The following MBOAT1 variants were observed in gnomAD, a reference collection of about 807,000 sequenced individuals.
The protein encoded by MBOAT1 is membrane bound glycerophospholipid O-acyltransferase 1.
Under a neutral mutation model 64.4 loss-of-function variants are expected in MBOAT1, and 67 were observed. The ratio of observed to expected loss-of-function variants is 1.04; its 90% CI spans 0.85 to 1.27. The LOEUF is 1.27. Among genes scored for constraint, MBOAT1 ranks in the 50% most tolerant of loss-of-function variants. The pLI, the probability that MBOAT1 is intolerant of heterozygous loss-of-function variation, is 0.00. For synonymous variants in MBOAT1, 229 were observed against 218.9 expected, an observed-to-expected ratio of 1.05 and a Z score of -0.41; for missense variants, 563 against 604.6, an observed-to-expected ratio of 0.93 and a Z score of 0.72.
chr6:20,143,045 T>A (rs1581419468), intron 4 of MBOAT1, among the ~76,000 whole-genome samples: 1 of 152,260 alleles, frequency 6.6e-6, no homozygotes, highest in Non-Finnish European at 1.5e-5. Context: ...GAGCGGTCAC[T>A]CCCTCATTTC....
At chr6:20,158,718 A>G (rs563050190) in intron 1 of MBOAT1, among the ~76,000 whole-genome samples, 1 of 152,348 alleles carries the variant, frequency 6.6e-6, no homozygotes, top group South Asian at 2.1e-4. Context: ...ACTGCTTAAT[A>G]ACAAGAAAAT....
chr6:20,105,810 G>A (rs1231420094), intron 12 of MBOAT1, among the ~76,000 whole-genome samples: 1 of 152,120 alleles, frequency 6.6e-6, no homozygotes, highest in Admixed American at 6.6e-5. Flanking sequence ...AAATTCTAAC[G>A]TTATTACCCA....
intron 1 of MBOAT1, among the ~76,000 whole-genome samples, chr6:20,171,616 T>C (rs890878062): frequency 6.6e-6 from 1 of 152,146 alleles, no homozygotes; most frequent in African/African-American, 2.4e-5. Context: ...AATGATTAAT[T>C]CAAACCCAAT....
At chr6:20,183,878 C>T (rs1015331854) in intron 1 of MBOAT1, among the ~76,000 whole-genome samples, 4 of 152,016 alleles carry the variant, frequency 2.6e-5, no homozygotes, top group Admixed American at 1.3e-4. Flanking sequence ...TGGCAGGAGG[C>T]GAAAGGCACT....
Position 20,124,508 on chromosome 6 carries a change from A to T in MBOAT1, c.807T>A (p.Asp269Glu), listed in dbSNP as rs774000416. The T allele has an allele frequency of 1.2e-6, 2 of 1,614,108 alleles. No individual in the cohort carries two copies. Among genetic ancestry groups the T allele is most frequent in the Admixed American group, 1.7e-5 (1 of 60,006 alleles). Residue 269 changes from aspartate (D) to glutamate (E), a missense_variant, in exon 8 of 13, where the codon GAT (aspartate) becomes GAA (glutamate). Coordinates refer to ENST00000324607, the MANE Select transcript of MBOAT1 (RefSeq NM_001080480.3). ...TKTFPVTCLV[D>E]DWFVHKASFP... ...AGCTTGCTTTATGGACAAACCAGTC[A>T]TCCACAAGGCAGGTGACAGGAAAGG...
At position 20,144,239 on chromosome 6, in the gene MBOAT1, G is replaced by C; in HGVS notation, c.400C>G (p.Leu134Val). 6.2e-7 allele frequency: 1 copy of C among 1,611,366 alleles called. No individual in the cohort carries two copies. Among genetic ancestry groups the C allele is most frequent in the East Asian group, 2.2e-5 (1 of 44,850 alleles). The change falls in exon 4 of 13, where the codon CTC becomes GTC. Residue 134 changes from leucine (L) to valine (V), a missense_variant. By Grantham distance (32) the Leu-to-Val change is conservative (BLOSUM62 1). Coordinates refer to ENST00000324607, the MANE Select transcript of MBOAT1 (RefSeq NM_001080480.3). Reference sequence around the variant, plus strand: ...ACTTACCCAGAAAAATCCGTAGTGAGAATTCCATAGTGGAAGATGTATATT... The same window carrying C: ...ACTTACCCAGAAAAATCCGTAGTGACAATTCCATAGTGGAAGATGTATATT... The part of the protein sequence containing the change: ...SRIYIFHYGI[L>V]TTDFSGPLMI...
At chr6:20,203,204 T>C (rs1183525134) in intron 1 of MBOAT1, among the ~76,000 whole-genome samples, 1 of 152,190 alleles carries the variant, frequency 6.6e-6, no homozygotes, top group East Asian at 1.9e-4. Context: ...TTGAGAGTAT[T>C]TGACTATATG....
At chr6:20,182,609 G>A (rs1052754304) in intron 1 of MBOAT1, among the ~76,000 whole-genome samples, 2 of 152,044 alleles carry the variant, frequency 1.3e-5, no homozygotes, top group Non-Finnish European at 2.9e-5. Flanking sequence ...CAATGCCTTG[G>A]GTCTGTTCTC....
At chr6:20,184,183 G>A (rs1762584559) in intron 1 of MBOAT1, among the ~76,000 whole-genome samples, 1 of 152,124 alleles carries the variant, frequency 6.6e-6, no homozygotes, top group Non-Finnish European at 1.5e-5. Flanking sequence ...AAAGCAAGAG[G>A]GGCAGGAAGA....
intron 1 of MBOAT1, among the ~76,000 whole-genome samples, chr6:20,166,235 T>C (rs1417000124): frequency 6.6e-6 from 1 of 152,222 alleles, no homozygotes; most frequent in South Asian, 2.1e-4. Context: ...AGTCAACTCA[T>C]ACTGAGCTAG....
chr6:20,118,413 T>C (rs752100902), intron 9 of MBOAT1, 24 bp downstream of exon 9: 22 of 1,564,858 alleles, frequency 1.4e-5, no homozygotes, highest in Non-Finnish European at 1.8e-5. Context: ...ACTATGGAAG[T>C]TGGACTTAAA....
At chr6:20,126,030 G>A (rs1343837827) in intron 7 of MBOAT1, 1 of 279,872 alleles carries the variant, frequency 3.6e-6, no homozygotes, top group East Asian at 1.1e-4. Flanking sequence ...ATTTCAAAAA[G>A]TCATCTTAAA....
At chr6:20,138,134 G>T (rs1390155821) in intron 4 of MBOAT1, among the ~76,000 whole-genome samples, 2 of 152,064 alleles carry the variant, frequency 1.3e-5, no homozygotes, top group African/African-American at 2.4e-5. Flanking sequence ...CCAGGAAGAG[G>T]GATTTATGGT....
chr6:20,156,962 C>A (rs942717784), intron 1 of MBOAT1, among the ~76,000 whole-genome samples: 1 of 152,040 alleles, frequency 6.6e-6, no homozygotes, highest in Non-Finnish European at 1.5e-5. Flanking sequence ...AAACTTTTTA[C>A]AATAGAAAAG....
chr6:20,117,829 G>A (rs1211842724), intron 9 of MBOAT1, among the ~76,000 whole-genome samples: 1 of 152,200 alleles, frequency 6.6e-6, no homozygotes, highest in Non-Finnish European at 1.5e-5. Context: ...TGGCATTCCT[G>A]TCTACTCTGA....
chr6:20,185,086 CA>C (rs901790739), intron 1 of MBOAT1, among the ~76,000 whole-genome samples: 11 of 151,116 alleles, frequency 7.3e-5, no homozygotes, highest in Admixed American at 5.3e-4. Context: ...CCCATCTCTA[CA>C]AAAAAAAATT....
chr6:20,196,570 A>G (rs1762959897), intron 1 of MBOAT1, among the ~76,000 whole-genome samples: 1 of 152,176 alleles, frequency 6.6e-6, no homozygotes, highest in African/African-American at 2.4e-5. Flanking sequence ...ATTAAAAAAC[A>G]GTGAACTGCA....
At chr6:20,195,412 C>T (rs1260513448) in intron 1 of MBOAT1, among the ~76,000 whole-genome samples, 1 of 152,146 alleles carries the variant, frequency 6.6e-6, no homozygotes, top group Non-Finnish European at 1.5e-5. Context: ...TTCTTCCATA[C>T]ACTCTACCAT....
intron 1 of MBOAT1, among the ~76,000 whole-genome samples, chr6:20,192,266 C>G (rs1191850499): frequency 6.6e-6 from 1 of 152,142 alleles, no homozygotes; most frequent in Non-Finnish European, 1.5e-5. Context: ...TTCCATCTGT[C>G]ATCTATTTCT....
Sources: gnomAD v4.1 joint callset for allele counts (sites outside exome capture counted in the v4.1 genomes callset) on GRCh38, gnomAD v4.1.1 for gene constraint, MANE v1.5 for transcripts, NCBI Gene and HGNC (gene_info 2026-07-23, HGNC 2026-07-21) for gene names.